SACM1L: variants seen among roughly 807,000 people sequenced by gnomAD.
The protein encoded by SACM1L is phosphatidylinositol-3-phosphatase SAC1.
Under a neutral mutation model 89.5 loss-of-function variants are expected in SACM1L, and 32 were observed. The ratio of observed to expected loss-of-function variants is 0.36; its 90% confidence interval spans 0.27 to 0.48. The LOEUF is 0.48. SACM1L is among the 20% of genes least tolerant of loss of function. SACM1L has a pLI of 0.99. For missense variants in SACM1L, 543 were observed against 708.5 expected (o/e 0.77, Z 2.65); for synonymous variants, 213 against 232.8 (o/e 0.92, Z 0.77).
At position 45,709,783 on chromosome 3, in the gene SACM1L, C is replaced by G. The variant is rs983294186; in HGVS notation, c.483+136C>G. 6.7e-6 allele frequency: 5 copies of G among 747,706 alleles called. No individual in the cohort carries two copies. The Admixed American group carries it at 9.7e-5, about 15-fold the overall frequency. 46.3% of individuals were successfully genotyped at this position (747,706 alleles called of 1,614,324 possible). A position where few individuals can be genotyped will look rare whatever the true frequency, so the allele number is the denominator to read the frequency against. On this transcript the variant is annotated intron_variant, in intron 5 of 19. Transcript: ENST00000389061. ...CATGTATGAGGCTTTGAAAATATAC[C>G]CTGTTTTAAATATACATCACAATCC...
intron 16 of SACM1L, 50 bp downstream of exon 16, chr3:45,737,894 G>A (rs552054880): frequency 2.7e-6 from 4 of 1,485,178 alleles, no homozygotes; most frequent in Non-Finnish European, 3.7e-6. Flanking sequence ...TCACAGTCCT[G>A]GTGCTTTTAA....
Position 45,709,356 on chromosome 3 carries a change from C to T in SACM1L, c.334-142C>T, listed in dbSNP as rs1032349351. The T allele has an allele frequency of 5.7e-5, 37 of 648,802 alleles. 1 individual carries two copies. Among genetic ancestry groups the T allele is most frequent in the South Asian group, 4.4e-4 (21 of 47,876 alleles). 40.2% of individuals were successfully genotyped at this position (648,802 alleles called of 1,614,324 possible). On this transcript the variant is annotated intron_variant, in intron 4 of 19. Transcript: ENST00000389061. ...ACTGTCCTACATCCCAGGGAAATGG[C>T]GAGCATCCCCCTCACTGGCTCAGTC...
At chr3:45,742,851 T>G (rs1163080892) in intron 19 of SACM1L, 1 of 152,248 alleles carries the variant, frequency 6.6e-6, no homozygotes, top group East Asian at 1.9e-4. Context: ...GCCTAAGGAA[T>G]GGTGAACTAG....
In SACM1L at chr3:45,710,161, A is replaced by T. The variant is rs555022910; in HGVS notation, c.483+514A>T. On this transcript the variant is annotated intron_variant, in intron 5 of 19. Transcript: ENST00000389061. Reference sequence around the variant, plus strand: ...AACTAAAAATGTAACAAAAGTCACTAGAACTTGGAAAATATCCTTTTAAGG... The same window carrying T: ...AACTAAAAATGTAACAAAAGTCACTTGAACTTGGAAAATATCCTTTTAAGG... 9.9e-5 allele frequency among the ~76,000 whole-genome samples: 15 copies of T among 151,956 alleles called. No individual in the cohort carries two copies. The South Asian group carries it at 1.7e-3, about 17-fold the overall frequency.
At chr3:45,693,676 T>C (rs1211300438) in intron 1 of SACM1L, among the ~76,000 whole-genome samples, 5 of 152,354 alleles carry the variant, frequency 3.3e-5, no homozygotes, top group African/African-American at 7.2e-5. Flanking sequence ...ATGACCTTTT[T>C]TTCTCTTACC....
intron 4 of SACM1L, among the ~76,000 whole-genome samples, chr3:45,707,691 G>A (rs73058466): frequency 0.092 from 14,054 of 152,246 alleles, 815 homozygotes; most frequent in Non-Finnish European, 0.14. Context: ...CAGTATCCCA[G>A]AGAAAGTGAT....
intron 7 of SACM1L, among the ~76,000 whole-genome samples, chr3:45,714,983 T>C (rs1162758221): frequency 1.3e-5 from 2 of 152,192 alleles, no homozygotes; most frequent in Non-Finnish European, 2.9e-5. Flanking sequence ...TGTTTAGATA[T>C]GTTGAGATAC....
chr3:45,691,396 G>T (rs1465557606), intron 1 of SACM1L, among the ~76,000 whole-genome samples: 1 of 152,138 alleles, frequency 6.6e-6, no homozygotes, highest in East Asian at 1.9e-4. Context: ...TTTCAAATGT[G>T]GCTCCTGCCC....
chr3:45,724,212 A>G (rs1237235864), intron 11 of SACM1L, among the ~76,000 whole-genome samples: 1 of 152,068 alleles, frequency 6.6e-6, no homozygotes. Flanking sequence ...ACTGTTTGCC[A>G]TAGCGGCTGC....
intron 13 of SACM1L, 23 bp downstream of exon 13, chr3:45,732,174 G>A (rs1434191254): frequency 1.4e-6 from 2 of 1,396,024 alleles, no homozygotes; most frequent in Non-Finnish European, 2.0e-6. Flanking sequence ...ATTTCCTTAA[G>A]GAGGTAGAGG....
At chr3:45,709,743 TG>T in intron 5 of SACM1L, 96 bp downstream of exon 5, 1 of 1,123,642 alleles carries the variant, frequency 8.9e-7, no homozygotes, top group South Asian at 1.6e-5. Context: ...TTCTCAGTCC[TG>T]GCTATCTTAG....
At chr3:45,722,158 GA>G in intron 9 of SACM1L, 73 bp downstream of exon 9, 1 of 875,642 alleles carries the variant, frequency 1.1e-6, no homozygotes, top group Non-Finnish European at 1.8e-6. Flanking sequence ...CTGTCATGTT[GA>G]AATTTCCCTC....
chr3:45,713,121 T>G lies in SACM1L; in HGVS notation c.484-16T>G. On this transcript the variant is annotated splice_polypyrimidine_tract_variant and intron_variant, in intron 5 of 19. Coordinates refer to ENST00000389061, the MANE Select transcript of SACM1L (RefSeq NM_014016.5). ...TTGGCAGGAGATATTTTATTAAATT[T>G]TAAAACTTCTCTCAGGCAGATCAGC... is the stretch of plus-strand genomic sequence containing the variant. 6.2e-7 allele frequency: 1 copy of G among 1,603,526 alleles called. No individual in the cohort carries two copies. The highest frequency in any genetic ancestry group is 8.5e-7 in the Non-Finnish European group (1 of 1,174,152).
At chr3:45,711,419 G>C (rs1698526712) in intron 5 of SACM1L, among the ~76,000 whole-genome samples, 1 of 152,090 alleles carries the variant, frequency 6.6e-6, no homozygotes, top group African/African-American at 2.4e-5. Context: ...TTGAGTCCAT[G>C]AGTTCAGGAC....
intron 11 of SACM1L, among the ~76,000 whole-genome samples, chr3:45,728,536 A>G (rs1413184266): frequency 6.6e-6 from 1 of 152,220 alleles, no homozygotes; most frequent in Non-Finnish European, 1.5e-5. Context: ...TGATACCAGA[A>G]GCATATAAAA....
intron 12 of SACM1L, among the ~76,000 whole-genome samples, chr3:45,731,851 C>T (rs1174820654): frequency 6.6e-6 from 1 of 152,094 alleles, no homozygotes; most frequent in African/African-American, 2.4e-5. Context: ...ATTTTTTCCT[C>T]TGCTAGGTAT....
intron 2 of SACM1L, 45 bp downstream of exon 2, chr3:45,703,580 A>G: frequency 8.1e-7 from 1 of 1,239,848 alleles, no homozygotes; most frequent in Non-Finnish European, 1.2e-6. Flanking sequence ...AAGATTTTAT[A>G]CATAAATTAC....
chr3:45,702,765 A>G (rs1056910803), intron 1 of SACM1L, among the ~76,000 whole-genome samples: 1 of 152,124 alleles, frequency 6.6e-6, no homozygotes, highest in Non-Finnish European at 1.5e-5. Flanking sequence ...AGTTGCATAA[A>G]TTTTAAGTAG....
intron 6 of SACM1L, chr3:45,713,548 CCCTT>C (rs777246994): frequency 1.1e-5 from 2 of 182,110 alleles, no homozygotes; most frequent in Non-Finnish European, 1.1e-5. Context: ...GGATGAGACT[CCCTT>C]CAGTCACCCA....
Sources: gnomAD v4.1 joint callset for allele counts (sites outside exome capture counted in the v4.1 genomes callset) on GRCh38, gnomAD v4.1.1 for gene constraint, MANE v1.5 for transcripts, NCBI Gene and HGNC (gene_info 2026-07-23, HGNC 2026-07-21) for gene names.